Variants in RALYL observed in about 807,000 individuals in gnomAD.
RALYL encodes the protein RALY RNA binding protein like, also known as RNA-binding Raly-like protein.
Under a neutral mutation model 35.1 loss-of-function variants are expected in RALYL, and 29 were observed. The ratio of observed to expected loss-of-function variants is 0.83; its 90% CI spans 0.61 to 1.13. RALYL has a LOEUF of 1.13. RALYL is among the 50% of genes most tolerant of loss of function. The pLI is 0.00. For synonymous variants in RALYL, 120 were observed against 127.6 expected, an observed-to-expected ratio of 0.94 and a Z score of 0.40; for missense variants, 359 against 360.4, an observed-to-expected ratio of 1.00 and a Z score of 0.03.
chr8:84,196,060 ATATC>A (rs1356704981), intron 1 of RALYL, among the ~76,000 whole-genome samples: 1 of 152,226 alleles, frequency 6.6e-6, no homozygotes, highest in Non-Finnish European at 1.5e-5. Context: ...AATTTAGAAA[ATATC>A]TATGCTTTTA....
At chr8:84,842,480 C>T (rs1833648522) in intron 4 of RALYL, among the ~76,000 whole-genome samples, 1 of 152,138 alleles carries the variant, frequency 6.6e-6, no homozygotes, top group South Asian at 2.1e-4. Context: ...TAATTAATAG[C>T]TTACCAACCA....
intron 1 of RALYL, among the ~76,000 whole-genome samples, chr8:84,360,006 A>G (rs924751297): frequency 3.3e-5 from 5 of 151,584 alleles, no homozygotes; most frequent in Non-Finnish European, 7.4e-5. Flanking sequence ...CCAAGTAGCT[A>G]GAACTACAGG....
intron 1 of RALYL, among the ~76,000 whole-genome samples, chr8:84,351,048 A>G (rs1850792583): frequency 6.7e-6 from 1 of 150,030 alleles, no homozygotes; most frequent in Non-Finnish European, 1.5e-5. Context: ...TACCAAAAAT[A>G]ATAATGATGA....
intron 8 of RALYL, among the ~76,000 whole-genome samples, chr8:84,912,758 G>T (rs958743344): frequency 3.3e-5 from 5 of 151,980 alleles, no homozygotes; most frequent in African/African-American, 1.2e-4. Context: ...CACACAAGGG[G>T]AATCAATATT....
At chr8:84,674,432 G>C (rs1042713698) in intron 2 of RALYL, among the ~76,000 whole-genome samples, 1 of 152,142 alleles carries the variant, frequency 6.6e-6, no homozygotes, top group African/African-American at 2.4e-5. Flanking sequence ...TGGTGAGAGA[G>C]GGCATCCTTG....
chr8:84,651,655 A>G (rs1828856145), intron 2 of RALYL, among the ~76,000 whole-genome samples: 1 of 152,096 alleles, frequency 6.6e-6, no homozygotes, highest in Admixed American at 6.6e-5. Flanking sequence ...TTTGGAATTG[A>G]CAAAAGTTAA....
chr8:84,774,728 G>T, intron 3 of RALYL, 74 bp downstream of exon 3: 1 of 898,588 alleles, frequency 1.1e-6, no homozygotes, highest in Non-Finnish European at 1.8e-6. Flanking sequence ...AATATAACTT[G>T]TAAGGCATCC....
chr8:84,546,685 C>T (rs1339505324), intron 2 of RALYL, among the ~76,000 whole-genome samples: 2 of 152,054 alleles, frequency 1.3e-5, no homozygotes, highest in Non-Finnish European at 2.9e-5. Context: ...AAATCTTATA[C>T]TCTGGCACAA....
rs112175251 is a variant in RALYL at position 84,621,516 on chromosome 8, A to C, written c.256+91939A>C. The stretch of plus-strand genomic sequence containing the variant: ...CTGTCTGGCACTCCCTAGTGAGATG[A>C]ACCCGGTACCTCAGATGGAAATGCA... On this transcript the variant is annotated intron_variant, in intron 2 of 8. Transcript: ENST00000521268. Among the ~76,000 whole-genome samples the C allele has an allele frequency of 8.8e-3, 1,333 of 152,294 alleles. 17 individuals carry two copies. The highest frequency in any genetic ancestry group is 0.028 in the African/African-American group (1,174 of 41,572).
intron 1 of RALYL, among the ~76,000 whole-genome samples, chr8:84,349,471 A>G (rs888894289): frequency 6.7e-6 from 1 of 150,284 alleles, no homozygotes; most frequent in Admixed American, 6.6e-5. Flanking sequence ...TTTGGTTATC[A>G]TAAGTTCCTG....
At chr8:84,894,171 G>A (rs1844347748) in intron 8 of RALYL, among the ~76,000 whole-genome samples, 1 of 152,160 alleles carries the variant, frequency 6.6e-6, no homozygotes, top group African/African-American at 2.4e-5. Context: ...AAGAAAGGCT[G>A]AAAATGTCTC....
intron 2 of RALYL, among the ~76,000 whole-genome samples, chr8:84,668,056 C>T (rs746731262): frequency 1.3e-5 from 2 of 152,046 alleles, no homozygotes; most frequent in African/African-American, 2.4e-5. Context: ...CAGGCTCTTT[C>T]TCCATGGCTT....
chr8:84,696,776 T>A (rs933898749), intron 2 of RALYL, among the ~76,000 whole-genome samples: 10 of 152,006 alleles, frequency 6.6e-5, no homozygotes, highest in Non-Finnish European at 1.0e-4. Context: ...TGAATTTCAT[T>A]TACATATTTA....
intron 1 of RALYL, among the ~76,000 whole-genome samples, chr8:84,226,973 T>A (rs1398028875): frequency 6.6e-6 from 1 of 151,976 alleles, no homozygotes. Flanking sequence ...GGTTAGGTAT[T>A]GTTTCATGGA....
At chr8:84,471,577 C>A (rs1189346559) in intron 1 of RALYL, among the ~76,000 whole-genome samples, 1 of 152,032 alleles carries the variant, frequency 6.6e-6, no homozygotes, top group Non-Finnish European at 1.5e-5. Context: ...ACAATAACAG[C>A]AACAACAAGA....
chr8:84,256,283 A>G (rs1831198428), intron 1 of RALYL, among the ~76,000 whole-genome samples: 1 of 152,168 alleles, frequency 6.6e-6, no homozygotes, highest in Admixed American at 6.6e-5. Flanking sequence ...GTCTCTTAAC[A>G]TATGTTCTTA....
intron 1 of RALYL, among the ~76,000 whole-genome samples, chr8:84,426,294 A>T (rs1347109781): frequency 2.0e-5 from 3 of 152,112 alleles, no homozygotes; most frequent in Non-Finnish European, 4.4e-5. Context: ...GCACAATTTT[A>T]CTATCTACAG....
At chr8:84,920,511 T>C (rs1049502484) in intron 8 of RALYL, among the ~76,000 whole-genome samples, 2 of 152,088 alleles carry the variant, frequency 1.3e-5, no homozygotes, top group African/African-American at 4.8e-5. Flanking sequence ...AGCCTCGTAG[T>C]AGGGGTATCC....
At chr8:84,823,361 A>G (rs1052431738) in intron 4 of RALYL, among the ~76,000 whole-genome samples, 29 of 152,186 alleles carry the variant, frequency 1.9e-4, no homozygotes, top group African/African-American at 7.0e-4. Context: ...AAGATAAAAT[A>G]AAAATGAACA....
Sources: gnomAD v4.1 joint callset for allele counts (sites outside exome capture counted in the v4.1 genomes callset) on GRCh38, gnomAD v4.1.1 for gene constraint, MANE v1.5 for transcripts, NCBI Gene and HGNC (gene_info 2026-07-23, HGNC 2026-07-21) for gene names.